Variants in BICC1 observed in about 807,000 individuals in gnomAD.
The protein encoded by BICC1 is protein bicaudal C homolog 1.
A neutral mutation model predicts 111.0 loss-of-function variants in BICC1; 43 were observed. The ratio of observed to expected loss-of-function variants is 0.39; its 90% CI spans 0.30 to 0.50. BICC1 has a LOEUF of 0.50. BICC1 is among the 20% of genes least tolerant of loss of function. BICC1 has a pLI of 0.88. For missense variants in BICC1, 1,091 were observed against 1,203.2 expected (o/e 0.91, Z 1.38); for synonymous variants, 467 against 434.4 (o/e 1.07, Z -0.93).
At chr10:58,679,144 A>G (rs1307079047) in intron 2 of BICC1, among the ~76,000 whole-genome samples, 2 of 152,196 alleles carry the variant, frequency 1.3e-5, no homozygotes, top group East Asian at 1.9e-4. Context: ...GCAAGAATAA[A>G]CAAATTCAAA....
chr10:58,670,011 C>T (rs988343294), intron 2 of BICC1, among the ~76,000 whole-genome samples: 1 of 151,988 alleles, frequency 6.6e-6, no homozygotes, highest in East Asian at 1.9e-4. Context: ...AGTTTTAGAT[C>T]GTGCTTTTAA....
In BICC1 at chr10:58,831,085, A is replaced by C. The variant is rs2133016597; in HGVS notation, c.*2194A>C. 6.6e-6 allele frequency: 1 copy of C among 152,360 alleles called. No individual in the cohort carries two copies. The highest frequency in any genetic ancestry group is 1.9e-4 in the East Asian group (1 of 5,194). 9.4% of individuals were successfully genotyped at this position (152,360 alleles called of 1,614,324 possible). ...AAACTGTCCCACTTAAATTAGATTA[A>C]GTAGGGTGGCTAAAAATAAATAAAA... On this transcript the variant is annotated 3_prime_UTR_variant, in exon 21 of 21. Transcript: ENST00000373886.
At chr10:58,813,579 T>C (rs989247439) in intron 17 of BICC1, among the ~76,000 whole-genome samples, 1 of 152,074 alleles carries the variant, frequency 6.6e-6, no homozygotes, top group Non-Finnish European at 1.5e-5. Flanking sequence ...CTCTCAGAAC[T>C]CTCCCTCAGA....
intron 1 of BICC1, among the ~76,000 whole-genome samples, chr10:58,547,667 T>G (rs1051777774): frequency 7.1e-5 from 10 of 141,716 alleles, no homozygotes; most frequent in African/African-American, 2.5e-4. Context: ...TATACATGCA[T>G]GCATGTATGT....
intron 13 of BICC1, 151 bp from the exon 14 acceptor site, chr10:58,800,739 T>C (rs569850132): frequency 8.5e-4 from 630 of 743,608 alleles, no homozygotes; most frequent in Non-Finnish European, 1.2e-3. Flanking sequence ...CCTGAACTTG[T>C]TAAGGTGTTT....
chr10:58,771,460 G>T (rs1266901909), intron 3 of BICC1, among the ~76,000 whole-genome samples: 1 of 152,066 alleles, frequency 6.6e-6, no homozygotes, highest in Non-Finnish European at 1.5e-5. Flanking sequence ...GCAGGTATAT[G>T]GATAATGGGG....
chr10:58,588,830 A>T (rs983630322), intron 1 of BICC1, among the ~76,000 whole-genome samples: 4 of 152,154 alleles, frequency 2.6e-5, no homozygotes. Context: ...TTTTCATGGC[A>T]TTGGATGGCA....
rs1026710721 is a variant in BICC1, at chr10:58,826,597, A to AATAC, written c.2795-2163_2795-2162insTACA. Among the ~76,000 whole-genome samples the AATAC allele has an allele frequency of 1.2e-4, 19 of 152,142 alleles. 1 individual carries two copies. The highest frequency in any genetic ancestry group is 1.9e-4 in the East Asian group (1 of 5,178). On this transcript the variant is annotated intron_variant, in intron 20 of 20. Coordinates refer to ENST00000373886, the MANE Select transcript of BICC1 (RefSeq NM_001080512.3). ...AAACCTTCTCTCTACTAAAAATACA[A>AATAC]AACAAAAAAAAATTAGCCAGGTGTG...
At chr10:58,798,664 T>C in intron 11 of BICC1, 104 bp downstream of exon 11, 1 of 1,058,008 alleles carries the variant, frequency 9.5e-7, no homozygotes, top group Non-Finnish European at 1.3e-6. Flanking sequence ...AAAATTAGGG[T>C]TCAAAGCATA....
chr10:58,628,179 C>T (rs1837690303), intron 2 of BICC1, among the ~76,000 whole-genome samples: 2 of 152,076 alleles, frequency 1.3e-5, no homozygotes, highest in Admixed American at 6.5e-5. Context: ...ACCTCCATTA[C>T]TTTTATAATC....
intron 1 of BICC1, among the ~76,000 whole-genome samples, chr10:58,591,567 G>A (rs1479910399): frequency 6.6e-6 from 1 of 152,146 alleles, no homozygotes; most frequent in Non-Finnish European, 1.5e-5. Context: ...ACCTCCTGAA[G>A]ACCCCACCTA....
intron 1 of BICC1, among the ~76,000 whole-genome samples, chr10:58,603,949 C>A (rs1342037635): frequency 6.6e-6 from 1 of 152,074 alleles, no homozygotes; most frequent in East Asian, 1.9e-4. Context: ...TTAGTTAGGC[C>A]TGTGGAGTTT....
intron 1 of BICC1, among the ~76,000 whole-genome samples, chr10:58,600,799 A>G (rs978089570): frequency 6.6e-6 from 1 of 152,130 alleles, no homozygotes; most frequent in African/African-American, 2.4e-5. Context: ...GTGATTTTCT[A>G]ATAATATTTT....
At chr10:58,558,754 C>A (rs532534476) in intron 1 of BICC1, among the ~76,000 whole-genome samples, 1 of 151,984 alleles carries the variant, frequency 6.6e-6, no homozygotes, top group Non-Finnish European at 1.5e-5. Context: ...GGTTCTGGAG[C>A]CTGGGAAGTC....
intron 2 of BICC1, among the ~76,000 whole-genome samples, chr10:58,651,949 A>G (rs909759902): frequency 3.3e-5 from 5 of 152,152 alleles, no homozygotes; most frequent in South Asian, 2.1e-4. Flanking sequence ...TAATTGCTCA[A>G]TAGACCTTGT....
rs768708806 is a variant in BICC1 at position 58,828,844 on chromosome 10, C to G, written c.2878C>G (p.Pro960Ala). 4 of 1,613,984 alleles carry G rather than the reference C, an allele frequency of 2.5e-6. No individual in the cohort carries two copies. The highest frequency in any genetic ancestry group is 4.5e-5 in the East Asian group (2 of 44,858). Residue 960 changes from proline to alanine, a missense_variant, in exon 21 of 21, where the codon CCC (proline) becomes GCC (alanine). Physicochemically the swap from Pro to Ala is conservative, Grantham distance 27. This residue lies in a region of BICC1 where 231 missense variants were observed against 256.2 expected (regional missense o/e 0.90). Coordinates refer to ENST00000373886, the MANE Select transcript of BICC1 (RefSeq NM_001080512.3). ...GGAAGGTGGAGCGAGTGGAAGGCTA[C>G]CCCGTCAGTATCACTCAGACATTGC... ...FLEGGASGRLPRQYHSDIASV... is the reference protein window; with the variant it reads ...FLEGGASGRLARQYHSDIASV...
At chr10:58,553,710 T>C (rs3999634) in intron 1 of BICC1, among the ~76,000 whole-genome samples, 33 of 152,122 alleles carry the variant, frequency 2.2e-4, no homozygotes, top group African/African-American at 7.2e-4. Context: ...AGTTTTTTTT[T>C]CGGGGGGGCT....
chr10:58,785,122 T>C, intron 4 of BICC1, 42 bp downstream of exon 4: 1 of 1,175,578 alleles, frequency 8.5e-7, no homozygotes, highest in South Asian at 1.5e-5. Context: ...GAACCTTGTC[T>C]CTACAAGGGC....
intron 1 of BICC1, among the ~76,000 whole-genome samples, chr10:58,582,616 A>C (rs1844313836): frequency 6.6e-6 from 1 of 152,206 alleles, no homozygotes; most frequent in South Asian, 2.1e-4. Context: ...TGATTATCTT[A>C]GAATTATAGA....
Sources: gnomAD v4.1 joint callset for allele counts (sites outside exome capture counted in the v4.1 genomes callset) on GRCh38, gnomAD v4.1.1 for gene constraint, gnomAD v4.1.1 regional missense constraint, MANE v1.5 for transcripts, NCBI Gene and HGNC (gene_info 2026-07-23, HGNC 2026-07-21) for gene names.